The following MIS18A variants were observed in gnomAD, a reference collection of about 807,000 sequenced individuals.
MIS18A encodes protein Mis18-alpha.
In MIS18A, 14 loss-of-function variants were observed where a neutral mutation model predicts 25.0. The ratio of observed to expected loss-of-function variants is 0.56; its 90% CI spans 0.37 to 0.88. The LOEUF (loss-of-function observed/expected upper bound fraction) is 0.88. MIS18A is among the 40% of genes least tolerant of loss of function. The pLI, the probability that MIS18A is intolerant of heterozygous loss-of-function variation, is 0.00. For missense variants in MIS18A, 292 were observed against 290.8 expected (o/e 1.00, Z -0.03); for synonymous variants, 134 against 118.6 (o/e 1.13, Z -0.84).
the MIS18A span, among the ~76,000 whole-genome samples, chr21:32,205,379 A>G: frequency 2.0e-5 from 3 of 152,108 alleles, no homozygotes; most frequent in Non-Finnish European, 4.4e-5. Context: ...CTGGGACTAC[A>G]GGCGAATTCA....
the MIS18A span, among the ~76,000 whole-genome samples, chr21:32,191,673 G>A: frequency 2.0e-5 from 3 of 152,176 alleles, no homozygotes; most frequent in Non-Finnish European, 4.4e-5. Flanking sequence ...GGAGGTCAAG[G>A]CGGGTGGGTC....
the MIS18A span, among the ~76,000 whole-genome samples, chr21:32,252,236 AAGAAGGAGG>A: frequency 9.5e-4 from 35 of 36,802 alleles, no homozygotes; most frequent in East Asian, 3.6e-3. Context: ...GAAGAAGAAG[AAGAAGGAGG>A]AGGAGGAGGA....
At chr21:32,259,563 C>A in the MIS18A span, among the ~76,000 whole-genome samples, 1 of 152,148 alleles carries the variant, frequency 6.6e-6, no homozygotes, top group Non-Finnish European at 1.5e-5. Flanking sequence ...TTATGGATTC[C>A]GCATTCATGA....
the MIS18A span, among the ~76,000 whole-genome samples, chr21:32,232,556 T>C: frequency 0.015 from 2,329 of 152,150 alleles, 60 homozygotes; most frequent in African/African-American, 0.054. Context: ...AATTGAATAT[T>C]ATTCAGCCTT....
At chr21:32,193,411 A>G in the MIS18A span, among the ~76,000 whole-genome samples, 2 of 152,142 alleles carry the variant, frequency 1.3e-5, no homozygotes, top group Admixed American at 1.3e-4. Flanking sequence ...AAGAGAAATT[A>G]CCTCGTTCCA....
chr21:32,162,568 A>T, the MIS18A span, among the ~76,000 whole-genome samples: 1,139 of 152,274 alleles, frequency 7.5e-3, 16 homozygotes, highest in African/African-American at 0.025. Context: ...TGCCACTATT[A>T]TTGTACTGAT....
At chr21:32,157,365 G>C in the MIS18A span, among the ~76,000 whole-genome samples, 1 of 151,448 alleles carries the variant, frequency 6.6e-6, no homozygotes, top group African/African-American at 2.4e-5. Context: ...CACCGGGCCT[G>C]GCTGTTTGCT....
the MIS18A span, among the ~76,000 whole-genome samples, chr21:32,196,611 T>TAATTTTTGTATTTGG: frequency 6.6e-6 from 1 of 152,086 alleles, no homozygotes; most frequent in Non-Finnish European, 1.5e-5. Context: ...CATGCCACTG[T>TAATTTTTGTATTTGG]GCCCAGCTAA....
the MIS18A span, among the ~76,000 whole-genome samples, chr21:32,244,360 T>G: frequency 6.6e-6 from 1 of 152,146 alleles, no homozygotes; most frequent in African/African-American, 2.4e-5. Context: ...AGGGTGTATA[T>G]GTGTCAAACT....
chr21:32,198,944 C>T, the MIS18A span, among the ~76,000 whole-genome samples: 9 of 151,562 alleles, frequency 5.9e-5, no homozygotes, highest in East Asian at 1.9e-4. Flanking sequence ...GAAATACAGT[C>T]GTGGGCACCA....
At chr21:32,248,735 C>A in the MIS18A span, among the ~76,000 whole-genome samples, 1 of 152,220 alleles carries the variant, frequency 6.6e-6, no homozygotes, top group Non-Finnish European at 1.5e-5. Flanking sequence ...TCTAACTCTT[C>A]CCATCTGTTC....
chr21:32,270,650 T>A, intron 2 of MIS18A, 121 bp from the exon 3 acceptor site: 7 of 1,052,378 alleles, frequency 6.7e-6, no homozygotes, highest in Non-Finnish European at 8.8e-6. Context: ...CCACACTAGG[T>A]CATACATAAA....
chr21:32,165,520 A>G, the MIS18A span, among the ~76,000 whole-genome samples: 1 of 152,170 alleles, frequency 6.6e-6, no homozygotes, highest in Non-Finnish European at 1.5e-5. Flanking sequence ...TCTGTAAAGA[A>G]AGGCACTTTC....
At chr21:32,241,144 C>T in the MIS18A span, among the ~76,000 whole-genome samples, 3 of 152,164 alleles carry the variant, frequency 2.0e-5, no homozygotes, top group African/African-American at 7.2e-5. Context: ...TCAGAGTCAA[C>T]ATAGATGGCA....
chr21:32,187,124 A>G, the MIS18A span, among the ~76,000 whole-genome samples: 45 of 152,248 alleles, frequency 3.0e-4, no homozygotes, highest in African/African-American at 1.0e-3. Context: ...CACATTTGAC[A>G]TTTGGTATCT....
chr21:32,246,431 G>A, the MIS18A span, among the ~76,000 whole-genome samples: 1 of 152,106 alleles, frequency 6.6e-6, no homozygotes, highest in Non-Finnish European at 1.5e-5. Context: ...CTGTGCCTCC[G>A]AGGCACATTC....
the MIS18A span, among the ~76,000 whole-genome samples, chr21:32,175,110 C>CTATATATATATATATAT: frequency 6.6e-6 from 1 of 152,186 alleles, no homozygotes; most frequent in African/African-American, 2.4e-5. Flanking sequence ...CTATTGCTCC[C>CTATATATATATATATAT]AGGCTACTAA....
At chr21:32,254,375 A>C in the MIS18A span, among the ~76,000 whole-genome samples, 1 of 151,606 alleles carries the variant, frequency 6.6e-6, no homozygotes, top group Non-Finnish European at 1.5e-5. Flanking sequence ...AAAAATACAA[A>C]AAGAAATTAG....
rs545433426 is a variant in MIS18A at position 32,269,813 on chromosome 21, G to A, written c.525-10C>T. 2.3e-5 allele frequency: 35 copies of A among 1,515,050 alleles called. No homozygotes were observed. The highest frequency in any genetic ancestry group is 2.9e-5 in the Non-Finnish European group (32 of 1,090,350). 93.9% of individuals were successfully genotyped at this position (1,515,050 alleles called of 1,614,324 possible). On this transcript the variant is annotated splice_polypyrimidine_tract_variant and intron_variant, in intron 3 of 4. Transcript: ENST00000290130. ...GGACCCTAAAACATAACTGAAGTAC[G>A]GTACAAGGTTAAAATACAAGCTGGG...
Sources: allele counts gnomAD v4.1 joint callset (sites outside exome capture counted in the v4.1 genomes callset), GRCh38; gene constraint gnomAD v4.1.1; transcripts MANE v1.5; gene names NCBI Gene and HGNC (gene_info 2026-07-23, HGNC 2026-07-21).